PIGU: variants seen among roughly 807,000 people sequenced by gnomAD.
PIGU encodes phosphatidylinositol glycan anchor biosynthesis class U.
A neutral mutation model predicts 49.9 loss-of-function variants in PIGU; 24 were observed. The observed-to-expected ratio is 0.48, with a 90% CI of 0.35 to 0.68. PIGU has a LOEUF of 0.68. Among genes scored for constraint, PIGU ranks in the 30% least tolerant of loss-of-function variants. The pLI is 0.01. For synonymous variants in PIGU, 220 were observed against 205.7 expected, an observed-to-expected ratio of 1.07 and a Z score of -0.59; for missense variants, 490 against 532.6, an observed-to-expected ratio of 0.92 and a Z score of 0.79.
At chr20:34,597,905 T>G (rs1984261641) in intron 7 of PIGU, among the ~76,000 whole-genome samples, 1 of 152,054 alleles carries the variant, frequency 6.6e-6, no homozygotes, top group East Asian at 1.9e-4. Flanking sequence ...AAAGAATGAT[T>G]AACAAAAAAT....
intron 1 of PIGU, among the ~76,000 whole-genome samples, chr20:34,657,499 G>A (rs1412144416): frequency 6.6e-6 from 1 of 152,128 alleles, no homozygotes; most frequent in Non-Finnish European, 1.5e-5. Flanking sequence ...TTAGTTCCTT[G>A]TAACTCTTAC....
chr20:34,587,115 C>G (rs145953887), intron 8 of PIGU, among the ~76,000 whole-genome samples: 1 of 152,320 alleles, frequency 6.6e-6, no homozygotes, highest in East Asian at 1.9e-4. Context: ...GCCAACAGCA[C>G]TGGCATCACC....
At chr20:34,588,356 C>A in intron 8 of PIGU, 97 bp downstream of exon 8, 1 of 1,090,252 alleles carries the variant, frequency 9.2e-7, no homozygotes, top group South Asian at 2.1e-5. Context: ...ATACAGTTTT[C>A]CATAATGGCT....
At chr20:34,622,868 T>C (rs778787388) in intron 6 of PIGU, among the ~76,000 whole-genome samples, 16 of 152,242 alleles carry the variant, frequency 1.1e-4, no homozygotes, top group Non-Finnish European at 2.2e-4. Flanking sequence ...CAAATGTGTA[T>C]GTACATTGGC....
At chr20:34,665,192 ATTTTTTTT>A (rs1171497892) in intron 1 of PIGU, among the ~76,000 whole-genome samples, 3 of 59,628 alleles carry the variant, frequency 5.0e-5, no homozygotes, top group East Asian at 5.3e-4. Flanking sequence ...TGTATGGCCA[ATTTTTTTT>A]TTTTTTTTTT....
intron 9 of PIGU, among the ~76,000 whole-genome samples, chr20:34,584,241 G>A (rs1292025703): frequency 6.6e-6 from 1 of 152,154 alleles, no homozygotes; most frequent in Admixed American, 6.6e-5. Context: ...GAGTTGCTAG[G>A]TTAGGTATGA....
chr20:34,648,222 A>G (rs565127443), intron 2 of PIGU, among the ~76,000 whole-genome samples: 5 of 148,164 alleles, frequency 3.4e-5, no homozygotes, highest in Non-Finnish European at 5.9e-5. Context: ...ACCGCACTCC[A>G]GCCTGGGCAA....
Position 34,655,717 on chromosome 20 carries a change from A to G in PIGU, c.195+1463T>C, listed in dbSNP as rs1245903639. On this transcript the variant is annotated intron_variant, in intron 2 of 11. Transcript: ENST00000217446. ...GGAAAGGGCAGTGGAAAGAAATGTG[A>G]TGGATGTGGTGAGGAGGGTCTTCAG... Among the ~76,000 whole-genome samples, 3 of 121,520 alleles carry G rather than the reference A, an allele frequency of 2.5e-5. 1 individual carries two copies. The highest frequency in any genetic ancestry group is 9.1e-5 in the African/African-American group (3 of 33,096). 79.7% of individuals were successfully genotyped at this position (121,520 alleles called of 152,430 possible).
chr20:34,560,797 C>T lies in PIGU; in HGVS notation c.*69G>A. The T allele has an allele frequency of 8.2e-7, 1 of 1,212,898 alleles. No individual in the cohort carries two copies. The highest frequency in any genetic ancestry group is 1.1e-6 in the Non-Finnish European group (1 of 887,362). The allele number at this position is 1,212,898 out of a possible 1,614,324, so 75.1% of individuals were successfully genotyped here. ...AGCACTCGCCTGCTGGCAACTCTGG[C>T]TGGAGGGCTTGGCCCAGCTTCTGGC... On this transcript the variant is annotated 3_prime_UTR_variant, in exon 12 of 12. Transcript: ENST00000217446.
chr20:34,597,837 A>G (rs1984259469), intron 7 of PIGU, among the ~76,000 whole-genome samples: 1 of 152,140 alleles, frequency 6.6e-6, no homozygotes, highest in African/African-American at 2.4e-5. Flanking sequence ...GGAAAATGTA[A>G]GATTTAATAC....
chr20:34,572,979 C>T (rs1983076279), intron 11 of PIGU, among the ~76,000 whole-genome samples: 1 of 152,158 alleles, frequency 6.6e-6, no homozygotes, highest in African/African-American at 2.4e-5. Flanking sequence ...ATGATGGGGG[C>T]TCAGGCAGAT....
intron 6 of PIGU, among the ~76,000 whole-genome samples, chr20:34,616,753 G>T (rs1282904064): frequency 1.3e-5 from 2 of 151,944 alleles, no homozygotes; most frequent in African/African-American, 4.8e-5. Flanking sequence ...CCTATTAAAT[G>T]AAGTTTATAA....
chr20:34,637,845 C>A, intron 5 of PIGU, 31 bp downstream of exon 5: 1 of 1,601,460 alleles, frequency 6.2e-7, no homozygotes, highest in Non-Finnish European at 8.5e-7. Flanking sequence ...CATTTGTTGG[C>A]ACTAAGCCTG....
rs912433729 is a variant in PIGU, at chr20:34,575,044, T to C, written c.1194+60A>G. 16 of 1,592,238 alleles carry C rather than the reference T, an allele frequency of 1.0e-5. No individual in the cohort carries two copies. The African/African-American group carries it at 2.1e-4, about 21-fold the overall frequency. On this transcript the variant is annotated intron_variant, in intron 11 of 11. Transcript: ENST00000217446. Reference sequence around the variant, plus strand: ...TGCAGAATCCAAGGCCATCGTTGAATGCTTGAGGCTGCAAAATGAATTCCT... The same window carrying C: ...TGCAGAATCCAAGGCCATCGTTGAACGCTTGAGGCTGCAAAATGAATTCCT...
At chr20:34,570,366 C>T (rs139758012) in intron 11 of PIGU, among the ~76,000 whole-genome samples, 41 of 152,246 alleles carry the variant, frequency 2.7e-4, no homozygotes, top group African/African-American at 8.9e-4. Flanking sequence ...ATAGGGATCA[C>T]GTGGGGCCAG....
At position 34,562,643 on chromosome 20, in the gene PIGU, A is replaced by G. The variant is rs1982575334; in HGVS notation, c.1195-1664T>C. The G allele has an allele frequency of 4.4e-6, 5 of 1,127,322 alleles. No individual in the cohort carries two copies. In the South Asian group the frequency reaches 6.4e-5, roughly 15 times the overall value. The allele number at this position is 1,127,322 out of a possible 1,614,324, so 69.8% of individuals were successfully genotyped here. Reference sequence around the variant, plus strand: ...AGGGTTCAATGGTTGGCCTAAGGCTACACCTGGAGCACTGGACTAATGGCC... The same window carrying G: ...AGGGTTCAATGGTTGGCCTAAGGCTGCACCTGGAGCACTGGACTAATGGCC... On this transcript the variant is annotated intron_variant, in intron 11 of 11. Coordinates refer to ENST00000217446, the MANE Select transcript of PIGU (RefSeq NM_080476.5).
At chr20:34,616,010 T>G in intron 7 of PIGU, 32 bp downstream of exon 7, 2 of 1,583,238 alleles carry the variant, frequency 1.3e-6, no homozygotes, top group Non-Finnish European at 1.7e-6. Flanking sequence ...AAATGTCACT[T>G]GGGTGCTGGC....
chr20:34,673,995 G>A (rs754693786), intron 1 of PIGU, among the ~76,000 whole-genome samples: 1 of 152,112 alleles, frequency 6.6e-6, no homozygotes, highest in Non-Finnish European at 1.5e-5. Flanking sequence ...AGAGGTTGCA[G>A]TGAGCCAAGA....
At chr20:34,578,874 A>G (rs1983343910) in intron 10 of PIGU, 1 of 152,218 alleles carries the variant, frequency 6.6e-6, no homozygotes, top group Admixed American at 6.5e-5. Context: ...TTCACCCTTC[A>G]TCAGACTTGC....
Sources: allele counts gnomAD v4.1 joint callset (sites outside exome capture counted in the v4.1 genomes callset), GRCh38; gene constraint gnomAD v4.1.1; transcripts MANE v1.5; gene names NCBI Gene and HGNC (gene_info 2026-07-23, HGNC 2026-07-21).